Variants in HYCC1 observed in about 807,000 individuals in gnomAD.
HYCC1 encodes hyccin PI4KA lipid kinase complex subunit 1.
At chr7:22,925,184 G>A in the HYCC1 span, among the ~76,000 whole-genome samples, 4 of 152,100 alleles carry the variant, frequency 2.6e-5, no homozygotes, top group African/African-American at 7.2e-5. Flanking sequence ...CCATCTGTAC[G>A]TCACCATCAT....
the HYCC1 span, among the ~76,000 whole-genome samples, chr7:22,970,623 C>G: frequency 1.3e-5 from 2 of 152,182 alleles, no homozygotes; most frequent in African/African-American, 4.8e-5. Context: ...ATCATTTGAG[C>G]TGAGACCCAA....
the HYCC1 span, chr7:22,946,850 T>A: frequency 2.3e-6 from 2 of 870,164 alleles, no homozygotes; most frequent in Admixed American, 2.7e-5. Context: ...CATTGAGAAA[T>A]GTGGTGCATA....
chr7:22,957,364 C>T, the HYCC1 span, among the ~76,000 whole-genome samples: 1 of 148,550 alleles, frequency 6.7e-6, no homozygotes, highest in African/African-American at 2.5e-5. Context: ...AAACCTCATT[C>T]ACTCGTTTCC....
chr7:22,934,206 C>CTTTTTTTTTT, the HYCC1 span: 17 of 100,172 alleles, frequency 1.7e-4, no homozygotes, highest in Admixed American at 2.1e-4. Context: ...TCTTTTTTTT[C>CTTTTTTTTTT]TTTTTTTTTT....
chr7:23,002,152 A>ATATATATATATATACAAC, the HYCC1 span, among the ~76,000 whole-genome samples: 2 of 23,612 alleles, frequency 8.5e-5, no homozygotes, highest in African/African-American at 4.7e-4. Flanking sequence ...ATATATATAT[A>ATATATATATATATACAAC]TATATATATA....
At chr7:23,004,693 G>A in the HYCC1 span, among the ~76,000 whole-genome samples, 6 of 151,980 alleles carry the variant, frequency 3.9e-5, no homozygotes, top group South Asian at 1.2e-3. Context: ...GATATTATAA[G>A]TATAGTAGGG....
the HYCC1 span, among the ~76,000 whole-genome samples, chr7:22,923,501 A>G: frequency 6.6e-6 from 1 of 152,184 alleles, no homozygotes; most frequent in African/African-American, 2.4e-5. Context: ...AGTACACTGT[A>G]AAAAGAAAAG....
chr7:22,961,395 CTT>C, the HYCC1 span: 1 of 853,930 alleles, frequency 1.2e-6, no homozygotes. Context: ...GAGAAACTAT[CTT>C]TACTGAAGAA....
the HYCC1 span, among the ~76,000 whole-genome samples, chr7:22,920,841 G>A: frequency 3.9e-5 from 6 of 152,144 alleles, no homozygotes; most frequent in African/African-American, 1.4e-4. Flanking sequence ...TAGATCATGA[G>A]GGTGGATCCC....
the HYCC1 span, among the ~76,000 whole-genome samples, chr7:22,970,703 G>C: frequency 6.6e-6 from 1 of 152,028 alleles, no homozygotes; most frequent in Non-Finnish European, 1.5e-5. Context: ...CCTTTATTTT[G>C]GTACTTAAGA....
At chr7:22,926,662 G>A in the HYCC1 span, among the ~76,000 whole-genome samples, 1 of 151,618 alleles carries the variant, frequency 6.6e-6, no homozygotes, top group African/African-American at 2.4e-5. Flanking sequence ...ACCCAATACA[G>A]GAGCACCCAG....
At chr7:22,956,543 A>AAT in the HYCC1 span, among the ~76,000 whole-genome samples, 1 of 57,160 alleles carries the variant, frequency 1.7e-5, no homozygotes, top group Non-Finnish European at 4.0e-5. Context: ...GATCTCTCCA[A>AAT]AATAATACCT....
At chr7:23,011,186 T>C in the HYCC1 span, among the ~76,000 whole-genome samples, 1 of 152,334 alleles carries the variant, frequency 6.6e-6, no homozygotes, top group East Asian at 1.9e-4. Context: ...TTCCTACTTC[T>C]GCTATTTATG....
the HYCC1 span, among the ~76,000 whole-genome samples, chr7:22,968,607 T>C: frequency 6.6e-6 from 1 of 152,182 alleles, no homozygotes; most frequent in Admixed American, 6.5e-5. Context: ...TATAGGGGTA[T>C]GTAGAAGTCT....
At chr7:23,001,805 T>G in the HYCC1 span, among the ~76,000 whole-genome samples, 1 of 152,092 alleles carries the variant, frequency 6.6e-6, no homozygotes, top group African/African-American at 2.4e-5. Context: ...GTGACTGAAG[T>G]TGAAATGCCA....
the HYCC1 span, chr7:22,964,435 T>C: frequency 1.7e-5 from 27 of 1,594,242 alleles, no homozygotes; most frequent in East Asian, 6.0e-4. Context: ...AAATCCCTGT[T>C]AACATTTGCA....
At chr7:22,918,101 G>T in the HYCC1 span, among the ~76,000 whole-genome samples, 2 of 151,978 alleles carry the variant, frequency 1.3e-5, no homozygotes, top group Non-Finnish European at 2.9e-5. Flanking sequence ...AATCTAGCCT[G>T]GTATATGACA....
the HYCC1 span, among the ~76,000 whole-genome samples, chr7:23,000,418 T>C: frequency 2.6e-5 from 4 of 152,012 alleles, no homozygotes; most frequent in African/African-American, 7.2e-5. Context: ...AAACAAAATA[T>C]ATCTGCTCTA....
chr7:22,927,627 TA>T, the HYCC1 span, among the ~76,000 whole-genome samples: 1 of 152,132 alleles, frequency 6.6e-6, no homozygotes, highest in Non-Finnish European at 1.5e-5. Context: ...CTCCCAAGAC[TA>T]AACCAGGAAG....
Sources: allele counts gnomAD v4.1 joint callset (sites outside exome capture counted in the v4.1 genomes callset), GRCh38; gene constraint gnomAD v4.1.1; transcripts MANE v1.5; gene names NCBI Gene and HGNC (gene_info 2026-07-23, HGNC 2026-07-21).